The following SMYD3 variants were observed in gnomAD, a reference collection of about 807,000 sequenced individuals.
SMYD3 encodes histone-lysine N-methyltransferase SMYD3.
SMYD3 carries 36 observed loss-of-function variants against 57.7 expected under a neutral mutation model. That is an observed-to-expected ratio of 0.62 (90% CI 0.48 to 0.82). The LOEUF is 0.82. SMYD3 is among the 40% of genes least tolerant of loss of function. The probability of loss-of-function intolerance (pLI) is 0.00; values close to 1 mark genes in which losing one functional copy is unlikely to be tolerated. For synonymous variants in SMYD3, 211 were observed against 195.0 expected, an observed-to-expected ratio of 1.08 and a Z score of -0.68; for missense variants, 515 against 538.8, an observed-to-expected ratio of 0.96 and a Z score of 0.44.
intron 1 of SMYD3, among the ~76,000 whole-genome samples, chr1:246,487,798 G>A (rs2068211027): frequency 6.6e-6 from 1 of 151,586 alleles, no homozygotes; most frequent in Non-Finnish European, 1.5e-5. Flanking sequence ...GGGTTCAAGT[G>A]ATTCTCCTGC....
intron 5 of SMYD3, among the ~76,000 whole-genome samples, chr1:246,064,213 T>C (rs1395225575): frequency 6.6e-6 from 1 of 152,026 alleles, no homozygotes. Context: ...TTCCATCCAT[T>C]CTCCACAGGC....
chr1:245,774,699 C>CTCTCCACGGTCTCCCTCTCCT (rs1553318143), intron 10 of SMYD3, among the ~76,000 whole-genome samples: 1 of 117,314 alleles, frequency 8.5e-6, no homozygotes, highest in Non-Finnish European at 1.8e-5. Context: ...CTCCCTCTCC[C>CTCTCCACGGTCTCCCTCTCCT]TCTCCACGGT....
At chr1:245,934,411 G>C (rs1052148717) in intron 5 of SMYD3, among the ~76,000 whole-genome samples, 1 of 151,574 alleles carries the variant, frequency 6.6e-6, no homozygotes, top group Admixed American at 6.6e-5. Context: ...TCTACCCACA[G>C]AATATGACAG....
chr1:245,781,534 C>T (rs1572320974), intron 10 of SMYD3, among the ~76,000 whole-genome samples: 2 of 152,136 alleles, frequency 1.3e-5, no homozygotes, highest in Admixed American at 6.5e-5. Context: ...ATTTATATAC[C>T]TAACTCTCTG....
At chr1:246,331,510 GC>G (rs1319895438) in intron 3 of SMYD3, among the ~76,000 whole-genome samples, 1 of 152,144 alleles carries the variant, frequency 6.6e-6, no homozygotes, top group Non-Finnish European at 1.5e-5. Context: ...AGATAGCAGG[GC>G]CTTCAAAGAG....
intron 5 of SMYD3, among the ~76,000 whole-genome samples, chr1:246,160,490 G>C (rs551543727): frequency 1.3e-5 from 2 of 152,258 alleles, no homozygotes; most frequent in Admixed American, 1.3e-4. Context: ...CCAGTTCCTC[G>C]GTGCTGAAAC....
chr1:246,422,702 G>A (rs1008390740), intron 1 of SMYD3, among the ~76,000 whole-genome samples: 9 of 152,156 alleles, frequency 5.9e-5, no homozygotes, highest in Non-Finnish European at 1.2e-4. Context: ...GATTACAGGC[G>A]TGAGCCACTG....
At chr1:246,141,827 G>A (rs182741886) in intron 5 of SMYD3, among the ~76,000 whole-genome samples, 18 of 152,324 alleles carry the variant, frequency 1.2e-4, no homozygotes, top group Admixed American at 9.1e-4. Context: ...TGAGTTCTAT[G>A]TTCAGTGGAA....
At chr1:246,363,014 G>A (rs1390817603) in intron 1 of SMYD3, among the ~76,000 whole-genome samples, 1 of 151,842 alleles carries the variant, frequency 6.6e-6, no homozygotes, top group Admixed American at 6.6e-5. Flanking sequence ...TCTAGGAAGT[G>A]AGGAGCGTCT....
At chr1:246,002,319 G>C (rs555404405) in intron 5 of SMYD3, among the ~76,000 whole-genome samples, 2 of 76,164 alleles carry the variant, frequency 2.6e-5, no homozygotes, top group Admixed American at 1.7e-4. Context: ...CGAGTAGCTG[G>C]GACTGCAGGC....
chr1:245,982,906 AT>A (rs1227460384), intron 5 of SMYD3, among the ~76,000 whole-genome samples: 1 of 152,232 alleles, frequency 6.6e-6, no homozygotes, highest in Admixed American at 6.5e-5. Context: ...AGCGGTTCAA[AT>A]TCAAAGGTTC....
At chr1:245,807,381 G>T (rs1267574565) in intron 10 of SMYD3, among the ~76,000 whole-genome samples, 1 of 152,158 alleles carries the variant, frequency 6.6e-6, no homozygotes, top group African/African-American at 2.4e-5. Flanking sequence ...GGAAGAAGAA[G>T]AGAGAAAAAG....
intron 5 of SMYD3, among the ~76,000 whole-genome samples, chr1:246,293,763 C>CA (rs939459539): frequency 2.0e-5 from 3 of 151,998 alleles, no homozygotes; most frequent in Admixed American, 6.6e-5. Context: ...CTCTTCAAAA[C>CA]AAAAAAACAG....
At chr1:245,883,158 T>A (rs1225913178) in intron 8 of SMYD3, among the ~76,000 whole-genome samples, 1 of 152,030 alleles carries the variant, frequency 6.6e-6, no homozygotes, top group Non-Finnish European at 1.5e-5. Context: ...CTATTAATAC[T>A]AAAAAAAATC....
intron 1 of SMYD3, 67 bp downstream of exon 1, chr1:246,506,976 CCGGCCGCCCGA>C: frequency 6.6e-5 from 80 of 1,216,406 alleles, no homozygotes; most frequent in East Asian, 2.0e-4. Flanking sequence ...CCCGCGGCTG[CCGGCCGCCCGA>C]CGCCCCCCCC....
intron 8 of SMYD3, among the ~76,000 whole-genome samples, chr1:245,898,751 C>A (rs754038011): frequency 6.6e-6 from 1 of 152,160 alleles, no homozygotes; most frequent in Non-Finnish European, 1.5e-5. Flanking sequence ...ATTGACATGG[C>A]AAGTAATCAT....
chr1:246,264,109 G>C (rs10924655), intron 5 of SMYD3, among the ~76,000 whole-genome samples: 2 of 151,748 alleles, frequency 1.3e-5, no homozygotes. Flanking sequence ...CTCAGATTTC[G>C]AATACAGACT....
chr1:246,249,720 T>A (rs2063771470), intron 5 of SMYD3, among the ~76,000 whole-genome samples: 1 of 152,234 alleles, frequency 6.6e-6, no homozygotes, highest in South Asian at 2.1e-4. Flanking sequence ...TGTATTTATG[T>A]ACTTCCAAAA....
chr1:245,806,916 CAAAAAAAAAA>C (rs112012738), intron 10 of SMYD3, among the ~76,000 whole-genome samples: 59 of 41,330 alleles, frequency 1.4e-3, no homozygotes, highest in South Asian at 4.7e-3. Flanking sequence ...GACTCCGTCT[CAAAAAAAAAA>C]AAAAAAAAAA....
Sources: gnomAD v4.1 joint callset for allele counts (sites outside exome capture counted in the v4.1 genomes callset) on GRCh38, gnomAD v4.1.1 for gene constraint, MANE v1.5 for transcripts, NCBI Gene and HGNC (gene_info 2026-07-23, HGNC 2026-07-21) for gene names.